TMEM244: variants seen among roughly 807,000 people sequenced by gnomAD.
The protein encoded by TMEM244 is transmembrane protein 244, also known as putative transmembrane protein 244.
A neutral mutation model predicts 15.8 loss-of-function variants in TMEM244; 13 were observed. That is an observed-to-expected ratio of 0.82 (90% CI 0.53 to 1.30). TMEM244 has a LOEUF of 1.30. Ranked by LOEUF, TMEM244 falls within the 50% of genes most tolerant of loss-of-function variation. The pLI, the probability that TMEM244 is intolerant of heterozygous loss-of-function variation, is 0.00. For missense variants in TMEM244, 161 were observed against 144.9 expected (o/e 1.11, Z -0.57); for synonymous variants, 45 against 48.7 (o/e 0.92, Z 0.32).
At chr6:129,849,547 C>T (rs1015853876) in intron 1 of TMEM244, among the ~76,000 whole-genome samples, 5 of 151,978 alleles carry the variant, frequency 3.3e-5, no homozygotes, top group Non-Finnish European at 5.9e-5. Context: ...TGGTCCAAGC[C>T]GTAGGATGCA....
At chr6:129,841,212 G>A (rs1462163859) in intron 3 of TMEM244, among the ~76,000 whole-genome samples, 1 of 152,110 alleles carries the variant, frequency 6.6e-6, no homozygotes, top group East Asian at 1.9e-4. Context: ...AGAAAATGTG[G>A]CACATATACA....
intron 2 of TMEM244, 122 bp from the exon 3 acceptor site, chr6:129,843,725 C>T (rs907979637): frequency 2.5e-5 from 15 of 609,128 alleles, no homozygotes; most frequent in Non-Finnish European, 4.0e-5. Context: ...CACATTGTGG[C>T]ACATTTCAAA....
chr6:129,843,536 A>G lies in TMEM244; in HGVS notation c.187T>C (p.Tyr63His), dbSNP rs768307489. 8 of 1,607,422 alleles carry G rather than the reference A, an allele frequency of 5.0e-6. No homozygotes were observed. The South Asian group carries it at 8.8e-5, about 18-fold the overall frequency. The change falls in exon 3 of 5, where the codon TAT becomes CAT. Residue 63 changes from tyrosine (Y) to histidine (H), a missense_variant. Physicochemically the swap from Tyr to His is moderately conservative, Grantham distance 83. Transcript: ENST00000368143. ...KTNPSWLNIN[Y>H]KVLLVSTEVT... ...TTAAAATTAAAACAATTACCTTTATAGTTTATGTTGAGCCATGAGGGATTT... is the reference window on the plus strand; with the variant it reads ...TTAAAATTAAAACAATTACCTTTATGGTTTATGTTGAGCCATGAGGGATTT...
chr6:129,847,281 A>G (rs78096621), intron 1 of TMEM244, among the ~76,000 whole-genome samples: 1,583 of 152,276 alleles, frequency 0.01, 30 homozygotes, highest in African/African-American at 0.036. Context: ...AGAAATGCTC[A>G]GTTTACTCAG....
At chr6:129,857,133 A>G (rs1776723566) in intron 1 of TMEM244, among the ~76,000 whole-genome samples, 1 of 151,894 alleles carries the variant, frequency 6.6e-6, no homozygotes, top group South Asian at 2.1e-4. Flanking sequence ...CTATTACCTT[A>G]CTAATTTTTA....
At position 129,861,201 on chromosome 6, in the gene TMEM244, C is replaced by A. The variant is rs749407993; in HGVS notation, c.-13G>T. ...CCTGGAGAGCCATGTACACATCCTA[C>A]GTCAAGGAGGTGATGAAAGCCCCAC... On this transcript the variant is annotated 5_prime_UTR_variant, in exon 1 of 5. Transcript: ENST00000368143. 2 of 1,613,544 alleles carry A rather than the reference C, an allele frequency of 1.2e-6. No homozygotes were observed. The highest frequency in any genetic ancestry group is 8.5e-7 in the Non-Finnish European group (1 of 1,179,606).
At chr6:129,856,532 G>T (rs923315234) in intron 1 of TMEM244, among the ~76,000 whole-genome samples, 1 of 152,154 alleles carries the variant, frequency 6.6e-6, no homozygotes, top group African/African-American at 2.4e-5. Context: ...TAGGAAACTT[G>T]TGGAGGTGAT....
chr6:129,853,280 G>T (rs1776659194), intron 1 of TMEM244, among the ~76,000 whole-genome samples: 1 of 151,848 alleles, frequency 6.6e-6, no homozygotes, highest in African/African-American at 2.4e-5. Context: ...AGAATTAACG[G>T]CTCCTCTCTT....
chr6:129,832,134 G>A (rs1776337432), intron 4 of TMEM244, among the ~76,000 whole-genome samples: 1 of 135,114 alleles, frequency 7.4e-6, no homozygotes, highest in South Asian at 2.3e-4. Context: ...GTCTTGCTCT[G>A]TTGCCCAGGT....
At chr6:129,835,770 C>T (rs1776396045) in intron 3 of TMEM244, among the ~76,000 whole-genome samples, 2 of 152,200 alleles carry the variant, frequency 1.3e-5, no homozygotes, top group African/African-American at 4.8e-5. Flanking sequence ...CCTGGTTCGG[C>T]AGGTCCCACA....
intron 1 of TMEM244, among the ~76,000 whole-genome samples, chr6:129,857,341 C>CAT (rs1030454661): frequency 4.7e-5 from 7 of 150,270 alleles, no homozygotes; most frequent in East Asian, 1.9e-4. Context: ...CACACACACA[C>CAT]ATATATATAT....
intron 1 of TMEM244, among the ~76,000 whole-genome samples, chr6:129,847,556 A>G (rs9483068): frequency 0.6 from 91,214 of 151,738 alleles, 28,564 homozygotes; most frequent in African/African-American, 0.66. Flanking sequence ...AATGGGTGGG[A>G]TGTGAGGCCT....
At chr6:129,831,461 G>T in intron 4 of TMEM244, 75 bp from the exon 5 acceptor site, 1 of 1,035,984 alleles carries the variant, frequency 9.7e-7, no homozygotes, top group Non-Finnish European at 1.5e-6. Flanking sequence ...ACGTCTGTTT[G>T]GTCAAATTAT....
At chr6:129,832,481 G>C (rs1220567661) in intron 4 of TMEM244, among the ~76,000 whole-genome samples, 1 of 152,008 alleles carries the variant, frequency 6.6e-6, no homozygotes, top group Non-Finnish European at 1.5e-5. Flanking sequence ...AATAAACTTT[G>C]AATTATAACC....
At chr6:129,832,546 G>A (rs1046570225) in intron 4 of TMEM244, among the ~76,000 whole-genome samples, 2 of 152,158 alleles carry the variant, frequency 1.3e-5, no homozygotes, top group East Asian at 1.9e-4. Flanking sequence ...AAAATTAGGC[G>A]GTATAGTAAG....
At chr6:129,854,328 C>T (rs1776675059) in intron 1 of TMEM244, among the ~76,000 whole-genome samples, 7 of 152,116 alleles carry the variant, frequency 4.6e-5, no homozygotes, top group Admixed American at 3.3e-4. Flanking sequence ...AGAGTCCAGG[C>T]CACACTGAAC....
intron 1 of TMEM244, among the ~76,000 whole-genome samples, chr6:129,851,131 A>G (rs1365849527): frequency 6.6e-6 from 1 of 152,044 alleles, no homozygotes; most frequent in Non-Finnish European, 1.5e-5. Context: ...ACAAAGAGAG[A>G]TTAAGGAACT....
chr6:129,849,603 G>T (rs1776608982), intron 1 of TMEM244, among the ~76,000 whole-genome samples: 1 of 152,172 alleles, frequency 6.6e-6, no homozygotes, highest in African/African-American at 2.4e-5. Flanking sequence ...CTCACATTAA[G>T]TTCCTGTTAA....
At chr6:129,837,921 G>A (rs1437686323) in intron 3 of TMEM244, among the ~76,000 whole-genome samples, 2 of 152,160 alleles carry the variant, frequency 1.3e-5, no homozygotes, top group African/African-American at 2.4e-5. Flanking sequence ...GATTAATAAA[G>A]CAAGTCCTTA....
Sources: gnomAD v4.1 joint callset for allele counts (sites outside exome capture counted in the v4.1 genomes callset) on GRCh38, gnomAD v4.1.1 for gene constraint, MANE v1.5 for transcripts, NCBI Gene and HGNC (gene_info 2026-07-23, HGNC 2026-07-21) for gene names.